The following PUM2 variants were observed in gnomAD, a reference collection of about 807,000 sequenced individuals.
The protein encoded by PUM2 is pumilio RNA binding family member 2, also known as pumilio homolog 2.
In PUM2, 57 loss-of-function variants were observed where a neutral mutation model predicts 124.5. That is an observed-to-expected ratio of 0.46 (90% confidence interval 0.37 to 0.57). The LOEUF (loss-of-function observed/expected upper bound fraction) is 0.57, where lower values mean the gene tolerates loss of function less well. Among genes scored for constraint, PUM2 ranks in the 20% least tolerant of loss-of-function variants. PUM2 has a pLI of 0.00. For synonymous variants in PUM2, 460 were observed against 446.1 expected (o/e 1.03, Z -0.39); for missense variants, 1,065 against 1,290.6 (o/e 0.83, Z 2.68).
Position 20,283,434 on chromosome 2 carries a change from C to A in PUM2, c.1344G>T (p.Val448=). 6.2e-7 allele frequency: 1 copy of A among 1,614,008 alleles called. No homozygotes were observed. ...TAYYDQTGAL[V]VGPGARTGLG... ...GGCCAGTCCTTGCTCCAGGGCCAAC[C>A]ACTAAGGCACCAGTCTGATCATAAT... Residue 448 remains valine (V), a synonymous_variant, in exon 11 of 21, where the codon GTG becomes GTT. Coordinates refer to ENST00000361078, the MANE Select transcript of PUM2 (RefSeq NM_015317.5).
At chr2:20,309,730 T>C (rs1475024675) in intron 5 of PUM2, among the ~76,000 whole-genome samples, 1 of 152,192 alleles carries the variant, frequency 6.6e-6, no homozygotes, top group Admixed American at 6.5e-5. Flanking sequence ...TGGCTTTTAA[T>C]GCCAGTTGCT....
chr2:20,294,821 G>A (rs925434694), intron 8 of PUM2, among the ~76,000 whole-genome samples: 1 of 152,064 alleles, frequency 6.6e-6, no homozygotes, highest in Admixed American at 6.6e-5. Context: ...ATATATTCAG[G>A]GAACACAGAT....
chr2:20,318,504 T>C (rs1217212367), intron 3 of PUM2, 33 bp downstream of exon 3: 1 of 1,538,312 alleles, frequency 6.5e-7, no homozygotes, highest in Non-Finnish European at 8.9e-7. Flanking sequence ...GCTAAATATA[T>C]TCACAATTCT....
chr2:20,308,417 T>G lies in PUM2; in HGVS notation c.686A>C (p.Gln229Pro). Residue 229 changes from glutamine to proline, a missense_variant, in exon 6 of 21, where the codon CAA becomes CCA. Around this residue, in one of 3 missense-constraint regions of PUM2, gnomAD observed 968 missense variants for 1,159.8 expected, o/e 0.83. Transcript: ENST00000361078. The stretch of plus-strand genomic sequence containing the variant: ...AAACTGTAAGGATTCCAGACCAACT[T>G]GTTCCATGGCATCCAGATTCTGAGT... The part of the protein sequence containing the change: ...PETQNLDAME[Q>P]VGLESLQFDY... 6.2e-7 allele frequency: 1 copy of G among 1,614,134 alleles called. No homozygotes were observed. Among genetic ancestry groups the G allele is most frequent in the African/African-American group, 1.3e-5 (1 of 75,040 alleles).
rs951760143 is a variant in PUM2, at chr2:20,283,393, C to T, written c.1385G>A (p.Arg462Gln). 2.5e-6 allele frequency: 4 copies of T among 1,613,942 alleles called. No homozygotes were observed. Among genetic ancestry groups the T allele is most frequent in the Non-Finnish European group, 2.5e-6 (3 of 1,180,018 alleles). ...GARTGLGAPV[R>Q]LMAPTPVLIS... ...TAAAACAGGTGTTGGAGCCATTAAC[C>T]GAACTGGAGCTCCAAGGCCAGTCCT... is the stretch of plus-strand genomic sequence containing the variant. Residue 462 changes from arginine (R) to glutamine (Q), a missense_variant, in exon 11 of 21, where the codon CGG becomes CAG. This residue lies in a region of PUM2 where 968 missense variants were observed against 1,159.8 expected (regional missense o/e 0.83). Transcript: ENST00000361078.
intron 20 of PUM2, 137 bp from the exon 21 acceptor site, chr2:20,251,853 T>G (rs187336769): frequency 4.6e-6 from 5 of 1,082,080 alleles, no homozygotes; most frequent in Non-Finnish European, 5.2e-6. Context: ...AGCTACTTTT[T>G]GCAAAAGCAG....
At chr2:20,300,564 T>C (rs1477278514) in intron 7 of PUM2, among the ~76,000 whole-genome samples, 1 of 152,190 alleles carries the variant, frequency 6.6e-6, no homozygotes, top group Non-Finnish European at 1.5e-5. Flanking sequence ...TGAATTAAAC[T>C]ATGAGTTCAA....
intron 7 of PUM2, among the ~76,000 whole-genome samples, chr2:20,299,822 G>T (rs1676526430): frequency 6.6e-6 from 1 of 152,174 alleles, no homozygotes; most frequent in Admixed American, 6.5e-5. Context: ...TCTATGAAAA[G>T]CGTCAAACTC....
At chr2:20,274,483 T>C (rs768676212) in intron 13 of PUM2, among the ~76,000 whole-genome samples, 71 of 152,074 alleles carry the variant, frequency 4.7e-4, no homozygotes, top group Admixed American at 3.3e-4. Context: ...ATTTATAATA[T>C]CTTGCCTATT....
chr2:20,269,452 T>G (rs1372148983), intron 13 of PUM2, among the ~76,000 whole-genome samples: 2 of 152,088 alleles, frequency 1.3e-5, no homozygotes, highest in Non-Finnish European at 2.9e-5. Context: ...CCACCTGCCT[T>G]GGCCTCCCAA....
At chr2:20,350,500 G>A (rs1370913136) in intron 1 of PUM2, 97 bp downstream of exon 1, 4 of 985,546 alleles carry the variant, frequency 4.1e-6, no homozygotes, top group Non-Finnish European at 4.8e-6. Context: ...CCCTCCCGCT[G>A]GCGATCGGCT....
At chr2:20,348,779 C>T (rs2149183108) in intron 1 of PUM2, among the ~76,000 whole-genome samples, 1 of 151,860 alleles carries the variant, frequency 6.6e-6, no homozygotes. Flanking sequence ...AAAAATTAGC[C>T]GGGCGTGGTG....
chr2:20,260,745 C>G (rs1340353700), intron 14 of PUM2, among the ~76,000 whole-genome samples: 5 of 152,204 alleles, frequency 3.3e-5, no homozygotes, highest in African/African-American at 1.2e-4. Flanking sequence ...GTAAATTTTG[C>G]TGCTTATTCA....
At chr2:20,306,987 G>A (rs541537323) in intron 7 of PUM2, among the ~76,000 whole-genome samples, 3 of 151,880 alleles carry the variant, frequency 2.0e-5, no homozygotes, top group East Asian at 2.0e-4. Context: ...GCCGAGGGGG[G>A]GCTGATCACC....
At chr2:20,292,887 A>G (rs1558569124) in intron 9 of PUM2, among the ~76,000 whole-genome samples, 1 of 152,078 alleles carries the variant, frequency 6.6e-6, no homozygotes, top group Non-Finnish European at 1.5e-5. Context: ...AGATCACTCC[A>G]TTGCACTCCA....
chr2:20,305,702 A>G (rs889386763), intron 7 of PUM2, among the ~76,000 whole-genome samples: 2 of 152,172 alleles, frequency 1.3e-5, no homozygotes, highest in Non-Finnish European at 2.9e-5. Flanking sequence ...CTATTTTAAA[A>G]TATCATTCAT....
At chr2:20,311,807 C>T in intron 4 of PUM2, 144 bp from the exon 5 acceptor site, 6 of 946,568 alleles carry the variant, frequency 6.3e-6, no homozygotes, top group Non-Finnish European at 9.0e-6. Context: ...ATTAATTTAT[C>T]AAAGGCCAAA....
chr2:20,324,546 G>C (rs1487180057), intron 2 of PUM2, among the ~76,000 whole-genome samples: 1 of 152,152 alleles, frequency 6.6e-6, no homozygotes, highest in African/African-American at 2.4e-5. Context: ...ACCTAGAGAA[G>C]CTAATAGGTA....
At chr2:20,282,240 T>C (rs1394315516) in intron 12 of PUM2, among the ~76,000 whole-genome samples, 2 of 152,228 alleles carry the variant, frequency 1.3e-5, no homozygotes, top group African/African-American at 4.8e-5. Context: ...ACTTAGTTCT[T>C]CCTCTACCAC....
Sources: gnomAD v4.1 joint callset for allele counts (sites outside exome capture counted in the v4.1 genomes callset) on GRCh38, gnomAD v4.1.1 for gene constraint, gnomAD v4.1.1 regional missense constraint, MANE v1.5 for transcripts, NCBI Gene and HGNC (gene_info 2026-07-23, HGNC 2026-07-21) for gene names.